CASR: variants seen among roughly 807,000 people sequenced by gnomAD.
The protein encoded by CASR is extracellular calcium-sensing receptor.
A neutral mutation model predicts 69.1 loss-of-function variants in CASR; 23 were observed. The ratio of observed to expected loss-of-function variants is 0.33; its 90% CI spans 0.24 to 0.47. The LOEUF is 0.47. CASR is among the 20% of genes least tolerant of loss of function. The probability of loss-of-function intolerance (pLI) is 1.00; values close to 1 mark genes in which losing one functional copy is unlikely to be tolerated. For missense variants in CASR, 924 were observed against 1,356.1 expected (o/e 0.68, Z 5.00); for synonymous variants, 541 against 544.7 (o/e 0.99, Z 0.10).
rs957900473 is a variant in CASR at position 122,288,155 on chromosome 3, C to G, written c.*2964C>G. On this transcript the variant is annotated 3_prime_UTR_variant, in exon 7 of 7. Coordinates refer to ENST00000639785, the MANE Select transcript of CASR (RefSeq NM_000388.4). ...AATCCCAAGGGCCCTTAAATGTGGA[C>G]GAAGCAGAAGAGTCAGTGTGAGAGC... 1.3e-5 allele frequency: 2 copies of G among 151,032 alleles called. No individual in the cohort carries two copies. Among genetic ancestry groups the G allele is most frequent in the Admixed American group, 1.3e-4 (2 of 15,236 alleles). 9.4% of individuals were successfully genotyped at this position (151,032 alleles called of 1,614,324 possible).
chr3:122,248,156 C>A (rs2074446218), intron 1 of CASR, among the ~76,000 whole-genome samples: 1 of 152,114 alleles, frequency 6.6e-6, no homozygotes, highest in Non-Finnish European at 1.5e-5. Flanking sequence ...AGAGGGCCCT[C>A]ATTTTAAAAC....
chr3:122,263,065 AC>A (rs1292647210), intron 4 of CASR, among the ~76,000 whole-genome samples: 5 of 152,248 alleles, frequency 3.3e-5, no homozygotes, highest in African/African-American at 9.6e-5. Flanking sequence ...TGAATTACAC[AC>A]AGGAGAGACA....
chr3:122,190,950 G>T (rs1043020834), intron 1 of CASR, among the ~76,000 whole-genome samples: 3 of 152,176 alleles, frequency 2.0e-5, no homozygotes, highest in African/African-American at 7.2e-5. Context: ...TAAAAGATCT[G>T]GTTAACGTTG....
At chr3:122,260,717 A>G (rs1036866711) in intron 3 of CASR, among the ~76,000 whole-genome samples, 8 of 151,996 alleles carry the variant, frequency 5.3e-5, no homozygotes, top group Admixed American at 3.9e-4. Context: ...GGGTCTGGCC[A>G]TAAAATCAAT....
At chr3:122,251,961 G>A (rs963702570) in intron 1 of CASR, among the ~76,000 whole-genome samples, 1 of 152,212 alleles carries the variant, frequency 6.6e-6, no homozygotes, top group African/African-American at 2.4e-5. Context: ...CTGGAGATGA[G>A]AATGCCAGTT....
intron 2 of CASR, among the ~76,000 whole-genome samples, chr3:122,256,809 G>A (rs756070174): frequency 6.6e-5 from 10 of 152,082 alleles, no homozygotes; most frequent in Admixed American, 1.3e-4. Context: ...ATAGAGACGG[G>A]GTTTCGCCAT....
At chr3:122,187,784 C>T (rs1005224692) in intron 1 of CASR, among the ~76,000 whole-genome samples, 2 of 152,108 alleles carry the variant, frequency 1.3e-5, no homozygotes, top group South Asian at 2.1e-4. Flanking sequence ...AACATCATGT[C>T]AAGTTCTAGG....
At chr3:122,267,496 T>A (rs938746977) in intron 4 of CASR, among the ~76,000 whole-genome samples, 2 of 152,166 alleles carry the variant, frequency 1.3e-5, no homozygotes, top group African/African-American at 4.8e-5. Context: ...AAGGATCTAC[T>A]CCTTGGAGGA....
At chr3:122,239,341 G>A (rs1408808603) in intron 1 of CASR, among the ~76,000 whole-genome samples, 1 of 152,234 alleles carries the variant, frequency 6.6e-6, no homozygotes, top group Non-Finnish European at 1.5e-5. Context: ...CTGTGGAAAG[G>A]TGAGGGAACA....
chr3:122,184,051 C>A (rs951020679), intron 1 of CASR, among the ~76,000 whole-genome samples: 10 of 152,088 alleles, frequency 6.6e-5, no homozygotes, highest in Non-Finnish European at 1.3e-4. Flanking sequence ...AAGCGCGGGG[C>A]TCGCCGTCTG....
chr3:122,229,436 AG>A (rs1329154148), intron 1 of CASR, among the ~76,000 whole-genome samples: 2 of 152,284 alleles, frequency 1.3e-5, no homozygotes, highest in African/African-American at 4.8e-5. Context: ...GAAGTGAGTT[AG>A]ATGACTTCTA....
chr3:122,250,683 A>G (rs928862239), intron 1 of CASR, among the ~76,000 whole-genome samples: 20 of 152,258 alleles, frequency 1.3e-4, no homozygotes, highest in Admixed American at 1.0e-3. Context: ...ATCTGGCACA[A>G]TGCCTGGATC....
intron 1 of CASR, among the ~76,000 whole-genome samples, chr3:122,234,814 G>C (rs150483681): frequency 6.6e-6 from 1 of 152,164 alleles, no homozygotes; most frequent in Non-Finnish European, 1.5e-5. Context: ...GTGTTCCTCC[G>C]GACCAGCTTC....
chr3:122,264,556 C>T (rs1198810986), intron 4 of CASR, among the ~76,000 whole-genome samples: 1 of 152,204 alleles, frequency 6.6e-6, no homozygotes, highest in Non-Finnish European at 1.5e-5. Flanking sequence ...GTCCACTACA[C>T]AGACACTTCA....
rs1262032476 is a variant in CASR at position 122,257,144 on chromosome 3, C to G, written c.249C>G (p.Ser83Arg). 1.2e-6 allele frequency: 2 copies of G among 1,614,062 alleles called. No homozygotes were observed. The highest frequency in any genetic ancestry group is 4.5e-5 in the East Asian group (2 of 44,892). The change falls in exon 3 of 7, where the codon AGC becomes AGG. Residue 83 changes from serine (S) to arginine (R), a missense_variant. Transcript: ENST00000639785. ...TATTTGCCATAGAGGAGATAAACAG[C>G]AGCCCAGCCCTTCTTCCCAACTTGA... ...AMIFAIEEIN[S>R]SPALLPNLTL...
Position 122,288,836 on chromosome 3 carries a change from C to T in CASR, c.*3645C>T, listed in dbSNP as rs1056616304. ...TTTGTTAACAATGGGAAACTGCTTA[C>T]ATTTCTTTTGAAAATTAAAATGAAT... On this transcript the variant is annotated 3_prime_UTR_variant, in exon 7 of 7. Transcript: ENST00000639785. 6.6e-6 allele frequency: 1 copy of T among 152,052 alleles called. No homozygotes were observed. Among genetic ancestry groups the T allele is most frequent in the African/African-American group, 2.4e-5 (1 of 41,390 alleles). 9.4% of individuals were successfully genotyped at this position (152,052 alleles called of 1,614,324 possible).
Position 122,288,896 on chromosome 3 carries a change from T to C in CASR, c.*3705T>C, listed in dbSNP as rs184971633. 3.4e-3 allele frequency: 523 copies of C among 152,278 alleles called. 2 individuals are homozygous for C. The highest frequency in any genetic ancestry group is 0.012 in the African/African-American group (507 of 41,560). 9.4% of individuals were successfully genotyped at this position (152,278 alleles called of 1,614,324 possible). The stretch of plus-strand genomic sequence containing the variant: ...AAAAAGATTTTCACTCAAATGAAAG[T>C]GTCCTAGAAGATTTTAAGAATTTAG... On this transcript the variant is annotated 3_prime_UTR_variant, in exon 7 of 7. Coordinates refer to ENST00000639785, the MANE Select transcript of CASR (RefSeq NM_000388.4).
chr3:122,208,533 A>G (rs778230189), intron 1 of CASR, among the ~76,000 whole-genome samples: 1 of 152,152 alleles, frequency 6.6e-6, no homozygotes, highest in Non-Finnish European at 1.5e-5. Flanking sequence ...TTTTTAAAGG[A>G]AAGACTTTTA....
intron 4 of CASR, among the ~76,000 whole-genome samples, chr3:122,275,534 CA>C (rs2074806790): frequency 1.3e-5 from 2 of 152,248 alleles, no homozygotes; most frequent in South Asian, 4.1e-4. Context: ...GGCCAGTTGC[CA>C]GGTGAGATGT....
Sources: gnomAD v4.1 joint callset for allele counts (sites outside exome capture counted in the v4.1 genomes callset) on GRCh38, gnomAD v4.1.1 for gene constraint, MANE v1.5 for transcripts, NCBI Gene and HGNC (gene_info 2026-07-23, HGNC 2026-07-21) for gene names.